The following SLC44A5 variants were observed in gnomAD, a reference collection of about 807,000 sequenced individuals.
The protein encoded by SLC44A5 is choline transporter-like protein 5.
Under a neutral mutation model 101.8 loss-of-function variants are expected in SLC44A5, and 57 were observed. That is an observed-to-expected ratio of 0.56 (90% CI 0.45 to 0.70). SLC44A5 has a LOEUF of 0.70. SLC44A5 is among the 30% of genes least tolerant of loss of function. The probability of loss-of-function intolerance (pLI) is 0.00; values close to 1 mark genes in which losing one functional copy is unlikely to be tolerated. For synonymous variants in SLC44A5, 281 were observed against 290.9 expected (o/e 0.97, Z 0.35); for missense variants, 737 against 853.1 (o/e 0.86, Z 1.70).
At chr1:75,425,720 AG>A (rs1425744405) in intron 2 of SLC44A5, among the ~76,000 whole-genome samples, 1 of 152,198 alleles carries the variant, frequency 6.6e-6, no homozygotes, top group Non-Finnish European at 1.5e-5. Flanking sequence ...GGAGAGGTCA[AG>A]TTAGGTCCCC....
rs187983943 is a variant in SLC44A5, at chr1:75,349,467, G to T, written c.53-9837C>A. Among the ~76,000 whole-genome samples, 755 of 152,284 alleles carry T rather than the reference G, an allele frequency of 5.0e-3. 4 individuals are homozygous for T. Among genetic ancestry groups the T allele is most frequent in the African/African-American group, 0.017 (725 of 41,548 alleles). ...AGAGATATAGAGATGATGGAGACAG[G>T]CAATGAAACAAAATAGCCACCAACA... On this transcript the variant is annotated intron_variant, in intron 3 of 23. Coordinates refer to ENST00000370859, the MANE Select transcript of SLC44A5 (RefSeq NM_001130058.2).
intron 2 of SLC44A5, among the ~76,000 whole-genome samples, chr1:75,454,650 C>A (rs1176646801): frequency 6.6e-6 from 1 of 152,010 alleles, no homozygotes; most frequent in Non-Finnish European, 1.5e-5. Flanking sequence ...CCTAAAGAAT[C>A]CCCCAAAAGG....
chr1:75,545,012 C>A (rs1381081266), intron 1 of SLC44A5, among the ~76,000 whole-genome samples: 2 of 152,088 alleles, frequency 1.3e-5, no homozygotes, highest in African/African-American at 4.8e-5. Context: ...CCCCTAGCCC[C>A]CCACCCTCCA....
intron 2 of SLC44A5, among the ~76,000 whole-genome samples, chr1:75,458,801 A>G (rs1666333635): frequency 6.6e-6 from 1 of 152,206 alleles, no homozygotes; most frequent in Non-Finnish European, 1.5e-5. Context: ...TTGCTTTTCC[A>G]GTGCCTAACC....
intron 4 of SLC44A5, among the ~76,000 whole-genome samples, chr1:75,325,004 G>T (rs140670789): frequency 7.7e-4 from 117 of 152,240 alleles, no homozygotes; most frequent in African/African-American, 2.7e-3. Context: ...AGGGGATGAG[G>T]ATCTAGAAAC....
rs554083998 is a variant in SLC44A5, at chr1:75,501,511, A to G, written c.13+39924T>C. 6.6e-5 allele frequency among the ~76,000 whole-genome samples: 10 copies of G among 152,336 alleles called. No homozygotes were observed. The South Asian group carries it at 1.9e-3, about 28-fold the overall frequency. ...ACATTATTAAGGGGAGCATTCCAGT[A>G]AGCATAACTGATAATGATAGCAATA... On this transcript the variant is annotated intron_variant, in intron 2 of 23. Coordinates refer to ENST00000370859, the MANE Select transcript of SLC44A5 (RefSeq NM_001130058.2).
intron 4 of SLC44A5, chr1:75,311,833 T>C (rs1035765012): frequency 3.3e-5 from 5 of 152,212 alleles, no homozygotes; most frequent in African/African-American, 9.7e-5. Flanking sequence ...AGAGGGTTCA[T>C]AAGGAAGGGG....
the SLC44A5 span, among the ~76,000 whole-genome samples, chr1:75,673,315 C>A: frequency 6.6e-6 from 1 of 151,592 alleles, no homozygotes; most frequent in Admixed American, 6.6e-5. Flanking sequence ...GTGTGATGAC[C>A]ACAAGGAAAA....
At chr1:75,723,614 C>A in the SLC44A5 span, 1 of 152,198 alleles carries the variant, frequency 6.6e-6, no homozygotes, top group Non-Finnish European at 1.5e-5. Context: ...ACAAAGGAGA[C>A]ATGAATAGAC....
At chr1:75,353,083 T>C (rs1658806946) in intron 3 of SLC44A5, among the ~76,000 whole-genome samples, 1 of 152,188 alleles carries the variant, frequency 6.6e-6, no homozygotes, top group Admixed American at 6.5e-5. Context: ...TCCTTATGTT[T>C]GTTAGATTCA....
At chr1:75,672,693 C>G in the SLC44A5 span, among the ~76,000 whole-genome samples, 2 of 152,096 alleles carry the variant, frequency 1.3e-5, no homozygotes, top group South Asian at 4.2e-4. Context: ...GGGAGAGATT[C>G]CTTTTCTCTG....
chr1:75,595,631 T>G (rs1377248987), intron 1 of SLC44A5, among the ~76,000 whole-genome samples: 5 of 152,160 alleles, frequency 3.3e-5, no homozygotes, highest in African/African-American at 1.2e-4. Flanking sequence ...GTCTGTAAAT[T>G]TCAGCTCACT....
intron 1 of SLC44A5, among the ~76,000 whole-genome samples, chr1:75,580,173 AT>A (rs1414874553): frequency 7.9e-5 from 12 of 152,202 alleles, no homozygotes; most frequent in African/African-American, 2.9e-4. Context: ...AAAATATTAT[AT>A]TTTTAGCATC....
intron 2 of SLC44A5, among the ~76,000 whole-genome samples, chr1:75,403,951 C>A (rs141877280): frequency 6.6e-6 from 1 of 151,722 alleles, no homozygotes; most frequent in African/African-American, 2.4e-5. Context: ...AAGAACCTTG[C>A]AAAAAAGTTA....
chr1:75,396,600 G>A lies in SLC44A5; in HGVS notation c.35C>T (p.Ser12Phe). Reference protein sequence around the residue: ...NDTEKPADTPSEEEDFGDPRT... With the variant: ...NDTEKPADTPFEEEDFGDPRT... The stretch of plus-strand genomic sequence containing the variant: ...TGACTTACCAAAGTCCTCTTCCTCA[G>A]AGGGAGTATCTGCTGGTTTTTCTAG... The change falls in exon 3 of 24, where the codon TCT becomes TTT. Residue 12 changes from serine to phenylalanine, a missense_variant. Around this residue, in one of 3 missense-constraint regions of SLC44A5, gnomAD observed 665 missense variants for 764.4 expected, o/e 0.87. Transcript: ENST00000370859. 3 of 1,612,836 alleles carry A rather than the reference G, an allele frequency of 1.9e-6. No homozygotes were observed. The highest frequency in any genetic ancestry group is 2.5e-6 in the Non-Finnish European group (3 of 1,179,296).
At chr1:75,711,196 C>CCT in the SLC44A5 span, among the ~76,000 whole-genome samples, 1 of 152,186 alleles carries the variant, frequency 6.6e-6, no homozygotes, top group Admixed American at 6.5e-5. Context: ...CTGCATAGGC[C>CCT]TTGACCCAAA....
chr1:75,696,857 C>A, the SLC44A5 span, among the ~76,000 whole-genome samples: 1 of 151,540 alleles, frequency 6.6e-6, no homozygotes, highest in Non-Finnish European at 1.5e-5. Flanking sequence ...GAGCCGAGAT[C>A]CAGACTGGGC....
the SLC44A5 span, among the ~76,000 whole-genome samples, chr1:75,657,557 A>G: frequency 1.3e-5 from 2 of 152,058 alleles, no homozygotes; most frequent in African/African-American, 4.8e-5. Flanking sequence ...TAAAAAAAAA[A>G]AAAAAAGTGA....
At chr1:75,629,911 A>C in the SLC44A5 span, among the ~76,000 whole-genome samples, 11 of 152,332 alleles carry the variant, frequency 7.2e-5, 1 homozygote, top group African/African-American at 2.6e-4. Context: ...GAACCACACA[A>C]CACCATTAAA....
Sources: gnomAD v4.1 joint callset for allele counts (sites outside exome capture counted in the v4.1 genomes callset) on GRCh38, gnomAD v4.1.1 for gene constraint, gnomAD v4.1.1 regional missense constraint, MANE v1.5 for transcripts, NCBI Gene and HGNC (gene_info 2026-07-23, HGNC 2026-07-21) for gene names.